Variants in CFH observed in about 807,000 individuals in gnomAD.
The protein encoded by CFH is complement factor H, also known as H factor 1 (complement).
Under a neutral mutation model 147.3 loss-of-function variants are expected in CFH, and 53 were observed. The observed-to-expected ratio is 0.36, with a 90% CI of 0.29 to 0.45. The LOEUF (loss-of-function observed/expected upper bound fraction) is 0.45. Ranked by LOEUF, CFH falls within the 20% of genes least tolerant of loss-of-function variation. CFH has a pLI of 1.00. For synonymous variants in CFH, 536 were observed against 489.4 expected (o/e 1.10, Z -1.26); for missense variants, 1,380 against 1,498.0 (o/e 0.92, Z 1.30).
chr1:196,739,334 T>A (rs186692502), intron 17 of CFH, among the ~76,000 whole-genome samples: 3 of 152,220 alleles, frequency 2.0e-5, no homozygotes, highest in Admixed American at 1.3e-4. Flanking sequence ...AAGTTTTATT[T>A]TCTATTGCAT....
At chr1:196,673,364 GT>G (rs1297410155) in intron 2 of CFH, 79 of 576,640 alleles carry the variant, frequency 1.4e-4, no homozygotes, top group African/African-American at 1.3e-3. Flanking sequence ...TTGAGATGGA[GT>G]CTCCCTCTAT....
intron 1 of CFH, among the ~76,000 whole-genome samples, chr1:196,666,321 G>T (rs1011155015): frequency 6.6e-6 from 1 of 152,018 alleles, no homozygotes. Context: ...TTAGAAATTT[G>T]GATAATTGAT....
At chr1:196,700,268 T>C (rs998861241) in intron 9 of CFH, among the ~76,000 whole-genome samples, 4 of 152,206 alleles carry the variant, frequency 2.6e-5, no homozygotes, top group Non-Finnish European at 5.9e-5. Flanking sequence ...TTGGTGACCT[T>C]GCAATTGGTA....
intron 9 of CFH, among the ~76,000 whole-genome samples, chr1:196,695,240 C>T (rs766460771): frequency 1.3e-5 from 2 of 152,052 alleles, no homozygotes; most frequent in Admixed American, 6.6e-5. Flanking sequence ...GCCAATTTTC[C>T]CTGCACCATT....
At chr1:196,685,301 A>G in intron 7 of CFH, 64 bp downstream of exon 7, 4 of 1,499,638 alleles carry the variant, frequency 2.7e-6, no homozygotes, top group Non-Finnish European at 3.7e-6. Context: ...CACATAAAAA[A>G]TAGGGACTCA....
chr1:196,702,751 A>T (rs1254369942), intron 9 of CFH, among the ~76,000 whole-genome samples: 1 of 152,118 alleles, frequency 6.6e-6, no homozygotes, highest in Non-Finnish European at 1.5e-5. Context: ...CCCACCTCTG[A>T]CCTGGGATGG....
At chr1:196,735,374 A>T (rs573668230) in intron 15 of CFH, among the ~76,000 whole-genome samples, 1 of 152,246 alleles carries the variant, frequency 6.6e-6, no homozygotes, top group Admixed American at 6.6e-5. Context: ...TAACGGTTCT[A>T]TTTACAAATA....
Position 196,665,501 on chromosome 1 carries a change from C to A in CFH, c.59-7477C>A, listed in dbSNP as rs1336230068. On this transcript the variant is annotated intron_variant, in intron 1 of 21. Coordinates refer to ENST00000367429, the MANE Select transcript of CFH (RefSeq NM_000186.4). ...TGTATTTATTTTAAATTTGTTTAAA[C>A]CTAACTCTTTAGTCTACCTGGCATT... is the stretch of plus-strand genomic sequence containing the variant. Among the ~76,000 whole-genome samples the A allele has an allele frequency of 9.9e-5, 15 of 151,686 alleles. 1 individual carries two copies. The highest frequency in any genetic ancestry group is 4.2e-4 in the South Asian group (2 of 4,810).
chr1:196,692,901 C>CCTTCCTTCCTTCCTT (rs80287404), intron 9 of CFH, among the ~76,000 whole-genome samples: 1,181 of 70,718 alleles, frequency 0.017, 103 homozygotes, highest in Middle Eastern at 0.03. Flanking sequence ...CTCCCTCCCT[C>CCTTCCTTCCTTCCTT]CCTTCCTTCC....
At chr1:196,677,750 C>G (rs1269144123) in intron 5 of CFH, 83 bp downstream of exon 5, 26 of 1,303,742 alleles carry the variant, frequency 2.0e-5, no homozygotes, top group Non-Finnish European at 2.5e-5. Context: ...TAAGGAATAT[C>G]AGCAATATTA....
intron 5 of CFH, chr1:196,678,011 T>C (rs1667516016): frequency 6.4e-6 from 2 of 313,332 alleles, no homozygotes; most frequent in South Asian, 6.0e-5. Flanking sequence ...ATAACTCCAT[T>C]GTAGTTGTCT....
intron 9 of CFH, 30 bp from the exon 10 acceptor site, chr1:196,713,705 T>C (rs775934989): frequency 7.3e-7 from 1 of 1,365,576 alleles, no homozygotes; most frequent in Non-Finnish European, 1.0e-6. Flanking sequence ...GATCATATGC[T>C]TGTCTTTTTC....
chr1:196,676,086 C>A (rs1028557096), intron 4 of CFH, 21 bp downstream of exon 4: 9 of 1,415,060 alleles, frequency 6.4e-6, no homozygotes, highest in African/African-American at 1.4e-5. Context: ...AATGTATTTA[C>A]AAGTATATTG....
At chr1:196,694,290 A>G (rs1668172171) in intron 9 of CFH, among the ~76,000 whole-genome samples, 1 of 152,094 alleles carries the variant, frequency 6.6e-6, no homozygotes, top group African/African-American at 2.4e-5. Context: ...TTTGCTGAAG[A>G]TGATGGTTTC....
intron 9 of CFH, among the ~76,000 whole-genome samples, chr1:196,696,096 C>T (rs1668255971): frequency 6.6e-6 from 1 of 152,056 alleles, no homozygotes; most frequent in Non-Finnish European, 1.5e-5. Context: ...CCAATTTGAA[C>T]TCAACTCTGG....
chr1:196,704,214 C>A (rs1668530903), intron 9 of CFH, among the ~76,000 whole-genome samples: 1 of 151,990 alleles, frequency 6.6e-6, no homozygotes, highest in South Asian at 2.1e-4. Flanking sequence ...CCTGTCTCAG[C>A]CTCCCGAGTA....
At chr1:196,741,335 T>C in intron 18 of CFH, 1 of 178,238 alleles carries the variant, frequency 5.6e-6, no homozygotes. Context: ...AAACTTACCA[T>C]TACCGCTGAA....
rs184629699 is a variant in CFH at position 196,663,983 on chromosome 1, A to T, written c.59-8995A>T. ...GGTTCTGATTATACCAAGATATGTTATGGTAATTCTTTACTGTCTCGTCAG... is the reference window on the plus strand; with the variant it reads ...GGTTCTGATTATACCAAGATATGTTTTGGTAATTCTTTACTGTCTCGTCAG... On this transcript the variant is annotated intron_variant, in intron 1 of 21. Transcript: ENST00000367429. 2.4e-3 allele frequency among the ~76,000 whole-genome samples: 364 copies of T among 152,304 alleles called. 1 individual carries two copies. Among genetic ancestry groups the T allele is most frequent in the Non-Finnish European group, 3.1e-3 (208 of 68,014 alleles).
rs766959312 is a variant in CFH at position 196,737,617 on chromosome 1, A to T, written c.2739A>T (p.Thr913=). 13 of 1,613,544 alleles carry T rather than the reference A, an allele frequency of 8.1e-6. No homozygotes were observed. The Admixed American group carries it at 2.2e-4, about 27-fold the overall frequency. ...GGFRISEENE[T]TCYMGKWSSP... Reference sequence around the variant, plus strand: ...TCAGGATATCTGAAGAAAATGAAACAACATGCTACATGGGAAAATGGAGTT... The same window carrying T: ...TCAGGATATCTGAAGAAAATGAAACTACATGCTACATGGGAAAATGGAGTT... Residue 913 remains threonine, a synonymous_variant, in exon 17 of 22, where the codon ACA becomes ACT. Coordinates refer to ENST00000367429, the MANE Select transcript of CFH (RefSeq NM_000186.4).
Sources: gnomAD v4.1 joint callset for allele counts (sites outside exome capture counted in the v4.1 genomes callset) on GRCh38, gnomAD v4.1.1 for gene constraint, MANE v1.5 for transcripts, NCBI Gene and HGNC (gene_info 2026-07-23, HGNC 2026-07-21) for gene names.